H2BC18: variants seen among roughly 807,000 people sequenced by gnomAD.
H2BC18 encodes H2B clustered histone 18, also known as histone H2B type 2-F.
Under a neutral mutation model 6.3 loss-of-function variants are expected in H2BC18, and 8 were observed. The observed-to-expected ratio is 1.28, with a 90% CI of 0.75 to 2.31. The LOEUF (loss-of-function observed/expected upper bound fraction) is 2.31. Among genes scored for constraint, H2BC18 ranks in the 30% most tolerant of loss-of-function variants. H2BC18 has a pLI of 0.00. For missense variants in H2BC18, 106 were observed against 174.5 expected (o/e 0.61, Z 2.21); for synonymous variants, 104 against 78.1 (o/e 1.33, Z -1.75).
chr1:149,788,679 T>G, intron 1 of H2BC18: 3 of 1,563,100 alleles, frequency 1.9e-6, no homozygotes, highest in Non-Finnish European at 2.6e-6. Flanking sequence ...ATCATAAATA[T>G]TCTAAACTCC....
chr1:149,790,417 G>C, intron 1 of H2BC18: 3 of 1,547,602 alleles, frequency 1.9e-6, no homozygotes, highest in South Asian at 1.2e-5. Flanking sequence ...TTTGTTCAAG[G>C]GTTTTTGGCC....
At chr1:149,798,597 AATGT>A (rs2091826344) in intron 1 of H2BC18, among the ~76,000 whole-genome samples, 1 of 151,454 alleles carries the variant, frequency 6.6e-6, no homozygotes, top group Non-Finnish European at 1.5e-5. Context: ...GCCATATATA[AATGT>A]ATTTTTAAAC....
chr1:149,802,708 C>T (rs1476915444), intron 1 of H2BC18, among the ~76,000 whole-genome samples: 9 of 152,172 alleles, frequency 5.9e-5, no homozygotes, highest in African/African-American at 9.7e-5. Flanking sequence ...TAGGGAAGCC[C>T]ACAGTGCAGC....
downstream of H2BC18, among the ~76,000 whole-genome samples, chr1:149,807,129 A>C (rs1202027660): frequency 1.3e-5 from 2 of 152,122 alleles, no homozygotes; most frequent in Non-Finnish European, 2.9e-5. Flanking sequence ...ATGTGGTTGG[A>C]TGCTGGACAT....
In H2BC18 at chr1:149,799,049, G is replaced by T. The variant is rs587699911; in HGVS notation, c.377+12898C>A. ...ACATCACCTGGAATTTGAATTCCAG[G>T]TTTTCTTTTTAATTTTCTAGAATCT... On this transcript the variant is annotated intron_variant, in intron 1 of 1. Coordinates refer to the H2BC18 transcript ENST00000545683. Among the ~76,000 whole-genome samples, 89 of 141,764 alleles carry T rather than the reference G, an allele frequency of 6.3e-4. 1 individual carries two copies. The East Asian group carries it at 0.016, about 26-fold the overall frequency. The allele number at this position is 141,764 out of a possible 152,430, so 93.0% of individuals were successfully genotyped here.
Position 149,802,472 on chromosome 1 carries a change from T to C in H2BC18, c.377+9475A>G, listed in dbSNP as rs149300199. Among the ~76,000 whole-genome samples, 1,118 of 152,210 alleles carry C rather than the reference T, an allele frequency of 7.3e-3. 21 individuals are homozygous for C. Among genetic ancestry groups the C allele is most frequent in the African/African-American group, 0.026 (1,073 of 41,548 alleles). On this transcript the variant is annotated intron_variant, in intron 1 of 1. Coordinates refer to the H2BC18 transcript ENST00000545683. ...AGAGAAATTATAAGTAGTTTAAGAC[T>C]TAACCCTTTGTATTAGAGTTCTCCA... is the stretch of plus-strand genomic sequence containing the variant.
intron 1 of H2BC18, among the ~76,000 whole-genome samples, chr1:149,802,367 C>G (rs1441332626): frequency 1.3e-5 from 2 of 151,974 alleles, no homozygotes; most frequent in Non-Finnish European, 2.9e-5. Context: ...ATCAGCATAC[C>G]TTTCTCCTGC....
At chr1:149,801,077 C>A (rs1342930616) in intron 1 of H2BC18, among the ~76,000 whole-genome samples, 3 of 152,010 alleles carry the variant, frequency 2.0e-5, no homozygotes, top group African/African-American at 7.2e-5. Context: ...TAGAGTGAGA[C>A]CCGGTCTCTA....
intron 1 of H2BC18, chr1:149,787,406 CGAAAG>C: frequency 6.6e-6 from 1 of 152,194 alleles, no homozygotes; most frequent in Admixed American, 6.5e-5. Context: ...AGGTGTATGT[CGAAAG>C]GAAAAGCCCA....
At chr1:149,796,484 A>T (rs1346456495) in intron 1 of H2BC18, among the ~76,000 whole-genome samples, 3 of 152,220 alleles carry the variant, frequency 2.0e-5, no homozygotes, top group Non-Finnish European at 2.9e-5. Flanking sequence ...GTTCTTCTGG[A>T]AGGGCAGAAA....
At chr1:149,807,411 G>T (rs2091927341), downstream of H2BC18, among the ~76,000 whole-genome samples, 1 of 151,418 alleles carries the variant, frequency 6.6e-6, no homozygotes, top group Non-Finnish European at 1.5e-5. Flanking sequence ...ATGATCACTT[G>T]AGCCTGGGAG....
chr1:149,800,361 T>C (rs2091853734), intron 1 of H2BC18, among the ~76,000 whole-genome samples: 1 of 151,630 alleles, frequency 6.6e-6, no homozygotes, highest in Non-Finnish European at 1.5e-5. Context: ...CATTGGCCAT[T>C]GGTGATCGGC....
chr1:149,783,171 TC>T lies in H2BC18; in HGVS notation c.*61del, dbSNP rs1381290769. ...TCTTTATTCTCTGATCTCTTGCAGT[TC>T]CAGTTGATGGGCAAGTGGGTGAGTG... On this transcript the variant is annotated 3_prime_UTR_variant, in exon 2 of 2. Coordinates refer to the H2BC18 transcript ENST00000545683. 3 of 394,044 alleles carry T rather than the reference TC, an allele frequency of 7.6e-6. No individual in the cohort carries two copies. The African/African-American group carries it at 2.0e-4, about 26-fold the overall frequency. The allele number at this position is 394,044 out of a possible 1,614,324, so 24.4% of individuals were successfully genotyped here. A position where few individuals can be genotyped will look rare whatever the true frequency, so the allele number is the denominator to read the frequency against.
At position 149,789,730 on chromosome 1, in the gene H2BC18, G is replaced by T. The variant is rs587658392; in HGVS notation, c.378-6470C>A. Among the ~76,000 whole-genome samples the T allele has an allele frequency of 2.3e-4, 35 of 152,270 alleles. 1 individual carries two copies. The highest frequency in any genetic ancestry group is 7.9e-4 in the African/African-American group (33 of 41,532). On this transcript the variant is annotated intron_variant, in intron 1 of 1. Transcript: ENST00000545683. The stretch of plus-strand genomic sequence containing the variant: ...AATTGTGCGTGCCTGATGATCTGAG[G>T]TGGAACAGTTACCTTCCAAAACTGT...
At chr1:149,797,203 G>A (rs1414737444) in intron 1 of H2BC18, among the ~76,000 whole-genome samples, 64 of 152,170 alleles carry the variant, frequency 4.2e-4, no homozygotes, top group Non-Finnish European at 9.1e-4. Context: ...ATGAGCTGCC[G>A]CACCTGGCCT....
chr1:149,800,398 C>T (rs587673553), intron 1 of H2BC18, among the ~76,000 whole-genome samples: 8,525 of 150,592 alleles, frequency 0.057, 323 homozygotes, highest in Non-Finnish European at 0.086. Context: ...CTCCCCTCCC[C>T]GGAAGTTGGA....
At chr1:149,793,279 G>A in intron 1 of H2BC18, 1 of 1,210,522 alleles carries the variant, frequency 8.3e-7, no homozygotes, top group Non-Finnish European at 1.0e-6. Context: ...AGTGGGAGAG[G>A]CCGCCCGCCT....
At position 149,793,858 on chromosome 1, in the gene H2BC18, C is replaced by A. The variant is rs1188251490; in HGVS notation, c.378-10598G>T. On this transcript the variant is annotated intron_variant, in intron 1 of 1. Coordinates refer to the H2BC18 transcript ENST00000545683. ...CCTGAGAAGTAATCCCCAAAGCAGACCAACCGGTTTGGGGTAAAACAGGAA... is the reference window on the plus strand; with the variant it reads ...CCTGAGAAGTAATCCCCAAAGCAGAACAACCGGTTTGGGGTAAAACAGGAA... 6 of 1,272,580 alleles carry A rather than the reference C, an allele frequency of 4.7e-6. No homozygotes were observed. The Admixed American group carries it at 1.2e-4, about 25-fold the overall frequency. 78.8% of individuals were successfully genotyped at this position (1,272,580 alleles called of 1,614,324 possible). A position where few individuals can be genotyped will look rare whatever the true frequency, so the allele number is the denominator to read the frequency against.
At chr1:149,808,219 A>T (rs2101494170), downstream of H2BC18, among the ~76,000 whole-genome samples, 1 of 152,350 alleles carries the variant, frequency 6.6e-6, no homozygotes, top group East Asian at 1.9e-4. Context: ...AAACTTAAAA[A>T]ATAATTTCAG....
Sources: gnomAD v4.1 joint callset for allele counts (sites outside exome capture counted in the v4.1 genomes callset) on GRCh38, gnomAD v4.1.1 for gene constraint, MANE v1.5 for transcripts, NCBI Gene and HGNC (gene_info 2026-07-23, HGNC 2026-07-21) for gene names.